The following GAD1 variants were observed in gnomAD, a reference collection of about 807,000 sequenced individuals.
The protein encoded by GAD1 is 67 kDa glutamic acid decarboxylase.
Under a neutral mutation model 75.2 loss-of-function variants are expected in GAD1, and 35 were observed. That is an observed-to-expected ratio of 0.47 (90% CI 0.36 to 0.62). The LOEUF is 0.62. Among genes scored for constraint, GAD1 ranks in the 20% least tolerant of loss-of-function variants. The pLI is 0.00. For missense variants in GAD1, 490 were observed against 758.5 expected, an observed-to-expected ratio of 0.65 and a Z score of 4.16; for synonymous variants, 257 against 271.9, an observed-to-expected ratio of 0.95 and a Z score of 0.54.
At chr2:170,837,158 C>A (rs1702397865) in intron 6 of GAD1, among the ~76,000 whole-genome samples, 1 of 152,170 alleles carries the variant, frequency 6.6e-6, no homozygotes, top group African/African-American at 2.4e-5. Context: ...AGACCCATTT[C>A]TGTTAATGGT....
chr2:170,829,972 T>C (rs1336722257), intron 4 of GAD1: 1 of 334,770 alleles, frequency 3.0e-6, no homozygotes, highest in East Asian at 8.0e-5. Flanking sequence ...TCCTGGAAGA[T>C]TGGCCACACA....
chr2:170,845,510 C>T lies in GAD1; in HGVS notation c.756C>T (p.Gly252=), dbSNP rs539657238. 5.0e-6 allele frequency: 8 copies of T among 1,613,040 alleles called. 1 individual carries two copies. The highest frequency in any genetic ancestry group is 2.2e-5 in the East Asian group (1 of 44,882). The change falls in exon 8 of 17, where the codon GGC becomes GGT. Residue 252 remains glycine (G), a synonymous_variant. Transcript: ENST00000358196. The part of the protein sequence containing the change: ...KDGDGIFSPG[G]AISNMYSIMA... Reference sequence around the variant, plus strand: ...AATATGTCCGCTTGCTGACAGGGGGCGCCATATCCAACATGTACAGCATCA... The same window carrying T: ...AATATGTCCGCTTGCTGACAGGGGGTGCCATATCCAACATGTACAGCATCA...
intron 5 of GAD1, among the ~76,000 whole-genome samples, chr2:170,833,141 C>G (rs114347966): frequency 6.6e-6 from 1 of 152,332 alleles, no homozygotes; most frequent in African/African-American, 2.4e-5. Flanking sequence ...CATTCTTCCT[C>G]GTCATTTGAA....
intron 5 of GAD1, among the ~76,000 whole-genome samples, chr2:170,834,765 CTTTT>C (rs10930442): frequency 3.0e-5 from 4 of 135,246 alleles, no homozygotes; most frequent in Non-Finnish European, 3.2e-5. Context: ...AATATTCATT[CTTTT>C]TTTTTTTTTT....
intron 10 of GAD1, 49 bp from the exon 11 acceptor site, chr2:170,847,627 T>G: frequency 8.0e-7 from 1 of 1,253,636 alleles, no homozygotes; most frequent in Non-Finnish European, 1.2e-6. Flanking sequence ...AATCAGCAAA[T>G]GAGAAAGGTT....
chr2:170,840,354 A>G (rs1308376593), intron 6 of GAD1, among the ~76,000 whole-genome samples: 3 of 152,148 alleles, frequency 2.0e-5, no homozygotes, highest in Non-Finnish European at 2.9e-5. Flanking sequence ...CAGCTATGTT[A>G]CCTTTTAAGG....
At chr2:170,845,885 C>T in intron 9 of GAD1, 100 bp downstream of exon 9, 2 of 1,454,954 alleles carry the variant, frequency 1.4e-6, no homozygotes, top group East Asian at 2.3e-5. Flanking sequence ...GTACATTGTG[C>T]CAAGCTGCTA....
chr2:170,829,795 C>T, intron 4 of GAD1, 162 bp downstream of exon 4: 1 of 743,274 alleles, frequency 1.3e-6, no homozygotes, highest in Non-Finnish European at 2.2e-6. Context: ...TAATTGACTC[C>T]CTCCCTCCCT....
At chr2:170,852,651 C>A in intron 12 of GAD1, 63 bp from the exon 13 acceptor site, 1 of 1,418,254 alleles carries the variant, frequency 7.1e-7, no homozygotes, top group Non-Finnish European at 1.0e-6. Context: ...GTGTTTTCCT[C>A]AAGAGAACAG....
At chr2:170,850,962 C>G (rs976967317) in intron 12 of GAD1, among the ~76,000 whole-genome samples, 1 of 151,556 alleles carries the variant, frequency 6.6e-6, no homozygotes, top group East Asian at 1.9e-4. Context: ...TTCAGTGAAC[C>G]GAGATCACGC....
chr2:170,847,422 G>C (rs1329583889), intron 10 of GAD1, among the ~76,000 whole-genome samples: 1 of 152,046 alleles, frequency 6.6e-6, no homozygotes, highest in East Asian at 1.9e-4. Context: ...TTCTTTATCT[G>C]TTGTGCTCAC....
intron 14 of GAD1, among the ~76,000 whole-genome samples, chr2:170,854,607 G>A (rs1467184208): frequency 4.6e-5 from 7 of 152,080 alleles, no homozygotes; most frequent in Admixed American, 1.3e-4. Context: ...GGGTTTCACC[G>A]CGTTAGCCAG....
intron 7 of GAD1, 134 bp downstream of exon 7, chr2:170,844,291 G>T (rs552207880): frequency 2.9e-6 from 2 of 679,176 alleles, no homozygotes; most frequent in Non-Finnish European, 5.4e-6. Context: ...CAAGATGAAG[G>T]CTAACAAAAA....
chr2:170,831,195 A>G lies in GAD1; in HGVS notation c.547+3A>G, dbSNP rs1317764171. 1.2e-6 allele frequency: 2 copies of G among 1,614,062 alleles called. No homozygotes were observed. Among genetic ancestry groups the G allele is most frequent in the East Asian group, 2.2e-5 (1 of 44,878 alleles). On this transcript the variant is annotated splice_donor_region_variant and intron_variant, in intron 5 of 16. Coordinates refer to ENST00000358196, the MANE Select transcript of GAD1 (RefSeq NM_000817.3). ...CTTGAAGTATGGGGTTCGCACAGGTAAGGAGGAGAGTTGGGTAGACAGGTA... is the reference window on the plus strand; with the variant it reads ...CTTGAAGTATGGGGTTCGCACAGGTGAGGAGGAGAGTTGGGTAGACAGGTA...
In GAD1 at chr2:170,818,629, C is replaced by T; in HGVS notation, c.38C>T (p.Ser13Leu). The T allele has an allele frequency of 1.2e-6, 2 of 1,614,214 alleles. No individual in the cohort carries two copies. Among genetic ancestry groups the T allele is most frequent in the Non-Finnish European group, 1.7e-6 (2 of 1,180,034 alleles). The change falls in exon 2 of 17, where the codon TCG becomes TTG. Residue 13 changes from serine to leucine, a missense_variant. Physicochemically the swap from Ser to Leu is moderately radical, Grantham distance 145. Around this residue, in one of 3 missense-constraint regions of GAD1, gnomAD observed 165 missense variants for 216.4 expected, o/e 0.76. Transcript: ENST00000358196. The surrounding 1 kb of genome is among the most constrained non-coding windows in gnomAD (Gnocchi z 5.9). ...ACCCCATCTTCGTCCGCAACCTCCTCGAACGCGGGAGCGGACCCCAATACC... is the reference window on the plus strand; with the variant it reads ...ACCCCATCTTCGTCCGCAACCTCCTTGAACGCGGGAGCGGACCCCAATACC... ...SSTPSSSATS[S>L]NAGADPNTTN...
At position 170,826,244 on chromosome 2, in the gene GAD1, C is replaced by G. The variant is rs375236584; in HGVS notation, c.146-3231C>G. Among the ~76,000 whole-genome samples the G allele has an allele frequency of 1.4e-4, 22 of 152,210 alleles. No individual in the cohort carries two copies. In the East Asian group the frequency reaches 4.2e-3, roughly 29 times the overall value. The stretch of plus-strand genomic sequence containing the variant: ...GATTCCTAGTACATTACTGGAAGTG[C>G]AGCCCAAGGAATGGGATGCAGGTTT... On this transcript the variant is annotated intron_variant, in intron 3 of 16. Coordinates refer to ENST00000358196, the MANE Select transcript of GAD1 (RefSeq NM_000817.3).
intron 6 of GAD1, among the ~76,000 whole-genome samples, chr2:170,837,706 A>G (rs1702410975): frequency 6.6e-6 from 1 of 152,248 alleles, no homozygotes; most frequent in Admixed American, 6.5e-5. Context: ...AAAGGAAAAT[A>G]ACAAAACAAA....
At position 170,849,310 on chromosome 2, in the gene GAD1, A is replaced by G. The variant is rs762020151; in HGVS notation, c.1144A>G (p.Met382Val). 1.9e-6 allele frequency: 3 copies of G among 1,613,870 alleles called. No individual in the cohort carries two copies. The highest frequency in any genetic ancestry group is 2.7e-5 in the African/African-American group (2 of 74,874). Residue 382 changes from methionine (M) to valine (V), a missense_variant, in exon 12 of 17, where the codon ATG becomes GTG. Around this residue, in one of 3 missense-constraint regions of GAD1, gnomAD observed 324 missense variants for 523.9 expected, o/e 0.62. Coordinates refer to ENST00000358196, the MANE Select transcript of GAD1 (RefSeq NM_000817.3). ...VDAAWGGGLL[M>V]SRKHRHKLNG... ...GGCTGCCTGGGGAGGTGGGCTGCTC[A>G]TGTCCAGGAAGCACCGCCATAAACT...
intron 6 of GAD1, among the ~76,000 whole-genome samples, chr2:170,838,052 TATTA>T (rs998846111): frequency 6.6e-6 from 1 of 152,256 alleles, no homozygotes. Flanking sequence ...GAAAAGTTTC[TATTA>T]ATTAAGGATT....
Sources: gnomAD v4.1 joint callset for allele counts (sites outside exome capture counted in the v4.1 genomes callset) on GRCh38, gnomAD v4.1.1 for gene constraint, gnomAD v4.1.1 regional missense constraint, Gnocchi (gnomAD v3.1) non-coding constraint, MANE v1.5 for transcripts, NCBI Gene and HGNC (gene_info 2026-07-23, HGNC 2026-07-21) for gene names.